PALM2AKAP2: variants seen among roughly 807,000 people sequenced by gnomAD.
The protein encoded by PALM2AKAP2 is PALM2-AKAP2 fusion protein.
Under a neutral mutation model 71.5 loss-of-function variants are expected in PALM2AKAP2, and 37 were observed. That is an observed-to-expected ratio of 0.52 (90% CI 0.40 to 0.68). The LOEUF (loss-of-function observed/expected upper bound fraction) is 0.68, where lower values mean the gene tolerates loss of function less well. Ranked by LOEUF, PALM2AKAP2 falls within the 30% of genes least tolerant of loss-of-function variation. The pLI is 0.00. For synonymous variants in PALM2AKAP2, 468 were observed against 478.8 expected, an observed-to-expected ratio of 0.98 and a Z score of 0.29; for missense variants, 1,224 against 1,191.8, an observed-to-expected ratio of 1.03 and a Z score of -0.40.
chr9:109,726,794 T>C (rs1184935937), intron 1 of PALM2AKAP2, among the ~76,000 whole-genome samples: 1 of 152,232 alleles, frequency 6.6e-6, no homozygotes, highest in Non-Finnish European at 1.5e-5. Context: ...TAGGCATGCA[T>C]GGCTATTCAA....
At chr9:109,691,903 C>T (rs7852591) in intron 1 of PALM2AKAP2, among the ~76,000 whole-genome samples, 8,164 of 41,066 alleles carry the variant, frequency 0.2, 738 homozygotes, top group South Asian at 0.3. Context: ...TATATATATA[C>T]ACACACACAT....
intron 1 of PALM2AKAP2, among the ~76,000 whole-genome samples, chr9:109,771,437 T>G (rs2118766771): frequency 6.6e-6 from 1 of 152,268 alleles, no homozygotes; most frequent in Non-Finnish European, 1.5e-5. Context: ...TGGAGGGTAC[T>G]AGACACCAAA....
intron 6 of PALM2AKAP2, among the ~76,000 whole-genome samples, chr9:109,983,537 A>G (rs1832316940): frequency 6.6e-6 from 1 of 152,140 alleles, no homozygotes; most frequent in Non-Finnish European, 1.5e-5. Flanking sequence ...GGTGGCTTGC[A>G]GAAATGGAAA....
chr9:109,869,892 G>A (rs1388340189), intron 2 of PALM2AKAP2, among the ~76,000 whole-genome samples: 3 of 152,154 alleles, frequency 2.0e-5, no homozygotes, highest in Admixed American at 2.0e-4. Flanking sequence ...AGGTGGGGAG[G>A]ACTGGAGGTG....
chr9:109,762,662 G>A (rs1829076029), intron 1 of PALM2AKAP2, among the ~76,000 whole-genome samples: 1 of 151,960 alleles, frequency 6.6e-6, no homozygotes, highest in African/African-American at 2.4e-5. Flanking sequence ...TGTGAGGCAG[G>A]AAAAAAACCC....
At chr9:110,036,875 C>G (rs1833420047) in intron 7 of PALM2AKAP2, among the ~76,000 whole-genome samples, 1 of 152,148 alleles carries the variant, frequency 6.6e-6, no homozygotes, top group South Asian at 2.1e-4. Flanking sequence ...TCACTTCCTT[C>G]CATTCTCCAG....
chr9:109,737,283 G>C (rs1400431717), intron 1 of PALM2AKAP2, among the ~76,000 whole-genome samples: 1 of 152,224 alleles, frequency 6.6e-6, no homozygotes, highest in Admixed American at 6.5e-5. Flanking sequence ...AAACTGGGTG[G>C]CCTGAGTGGT....
At chr9:109,640,994 C>A in intron 1 of PALM2AKAP2, 1 of 1,319,494 alleles carries the variant, frequency 7.6e-7, no homozygotes, top group Non-Finnish European at 9.9e-7. Context: ...CCCGTGTGTA[C>A]GCCTGGTGTT....
intron 1 of PALM2AKAP2, among the ~76,000 whole-genome samples, chr9:109,692,290 G>C (rs1314425027): frequency 2.6e-5 from 4 of 151,670 alleles, no homozygotes; most frequent in African/African-American, 9.7e-5. Context: ...TTTGCATTTT[G>C]ACTTTGTATC....
chr9:109,816,615 G>A (rs1048413524), intron 1 of PALM2AKAP2, among the ~76,000 whole-genome samples: 4 of 152,206 alleles, frequency 2.6e-5, no homozygotes, highest in East Asian at 1.9e-4. Context: ...TCAGGAAACT[G>A]TGGGAATAGG....
chr9:110,145,510 A>G (rs1336986288), intron 2 of PALM2AKAP2, among the ~76,000 whole-genome samples: 1 of 152,150 alleles, frequency 6.6e-6, no homozygotes, highest in Non-Finnish European at 1.5e-5. Context: ...ATAAGTGTTC[A>G]TTATTCTGTT....
In PALM2AKAP2 at chr9:109,894,629, C is replaced by T. The variant is rs892272384; in HGVS notation, c.257+13948C>T. Among the ~76,000 whole-genome samples the T allele has an allele frequency of 3.6e-4, 55 of 152,178 alleles. 1 individual carries two copies. Among genetic ancestry groups the T allele is most frequent in the African/African-American group, 1.2e-3 (51 of 41,444 alleles). ...ACAAGTTTGAGTGTCGTTGCACTCA[C>T]GTGGTGAGCTGCATGTGTCGTGGGC... On this transcript the variant is annotated intron_variant, in intron 3 of 9. Transcript: ENST00000302798.
At chr9:109,842,669 T>TG (rs1010901431) in intron 1 of PALM2AKAP2, among the ~76,000 whole-genome samples, 3 of 137,380 alleles carry the variant, frequency 2.2e-5, no homozygotes, top group Admixed American at 2.1e-4. Context: ...CAGTAAGATG[T>TG]GAAAAAAAAA....
intron 1 of PALM2AKAP2, among the ~76,000 whole-genome samples, chr9:109,671,280 A>G (rs768464025): frequency 1.3e-5 from 2 of 152,184 alleles, no homozygotes; most frequent in Non-Finnish European, 2.9e-5. Flanking sequence ...TAATTTCTGT[A>G]TATAGTATAA....
At chr9:110,048,454 C>T (rs1833638783), upstream of PALM2AKAP2, 5 of 509,356 alleles carry the variant, frequency 9.8e-6, no homozygotes, top group Non-Finnish European at 1.7e-5. Flanking sequence ...CCGCCCCATC[C>T]ATCCCTCCGT....
intron 3 of PALM2AKAP2, among the ~76,000 whole-genome samples, chr9:109,889,455 T>G (rs1428611027): frequency 1.3e-5 from 2 of 152,194 alleles, no homozygotes; most frequent in Non-Finnish European, 2.9e-5. Flanking sequence ...CTGGAACAAC[T>G]CTAATTATTA....
chr9:109,864,582 C>G (rs1307663596), intron 1 of PALM2AKAP2, among the ~76,000 whole-genome samples: 1 of 152,182 alleles, frequency 6.6e-6, no homozygotes, highest in Non-Finnish European at 1.5e-5. Context: ...CAAACTAGGA[C>G]CCGTGGGCCA....
At chr9:109,794,838 A>G (rs1022301989) in intron 1 of PALM2AKAP2, among the ~76,000 whole-genome samples, 8 of 152,266 alleles carry the variant, frequency 5.3e-5, no homozygotes, top group African/African-American at 1.9e-4. Flanking sequence ...TAGCAGAGCC[A>G]TAATTGTGAA....
chr9:110,090,155 G>A, intron 1 of PALM2AKAP2: 1 of 314,502 alleles, frequency 3.2e-6, no homozygotes, highest in Non-Finnish European at 6.4e-6. Context: ...AGTCGGGCCG[G>A]TTCACATTGC....
Sources: gnomAD v4.1 joint callset for allele counts (sites outside exome capture counted in the v4.1 genomes callset) on GRCh38, gnomAD v4.1.1 for gene constraint, MANE v1.5 for transcripts, NCBI Gene and HGNC (gene_info 2026-07-23, HGNC 2026-07-21) for gene names.